LRRC39: variants seen among roughly 807,000 people sequenced by gnomAD.
The protein encoded by LRRC39 is leucine rich repeat containing 39.
In LRRC39, 35 loss-of-function variants were observed where a neutral mutation model predicts 39.7. The observed-to-expected ratio is 0.88, with a 90% CI of 0.67 to 1.17. LRRC39 has a LOEUF of 1.17. Ranked by LOEUF, LRRC39 falls within the 50% of genes most tolerant of loss-of-function variation. The pLI, the probability that LRRC39 is intolerant of heterozygous loss-of-function variation, is 0.00. For missense variants in LRRC39, 357 were observed against 385.8 expected, an observed-to-expected ratio of 0.93 and a Z score of 0.62; for synonymous variants, 113 against 134.1, an observed-to-expected ratio of 0.84 and a Z score of 1.09.
chr1:100,159,630 C>A (rs1290348110), intron 4 of LRRC39, among the ~76,000 whole-genome samples: 1 of 77,214 alleles, frequency 1.3e-5, no homozygotes, highest in Non-Finnish European at 2.4e-5. Context: ...TTTTTTTTGG[C>A]TAAACCTTCA....
chr1:100,160,597 T>C, intron 3 of LRRC39, 26 bp from the exon 4 acceptor site: 3 of 1,561,856 alleles, frequency 1.9e-6, no homozygotes, highest in Non-Finnish European at 2.6e-6. Flanking sequence ...ATCATTTTAG[T>C]TCATAGACAA....
intron 3 of LRRC39, among the ~76,000 whole-genome samples, chr1:100,166,812 C>G (rs142304597): frequency 2.0e-5 from 3 of 152,146 alleles, no homozygotes; most frequent in African/African-American, 7.2e-5. Context: ...ATCACCAAGA[C>G]AATGGTTTTA....
chr1:100,161,890 G>A (rs114862985), intron 3 of LRRC39, among the ~76,000 whole-genome samples: 1,608 of 152,156 alleles, frequency 0.011, 30 homozygotes, highest in African/African-American at 0.037. Flanking sequence ...CAAGCAACCC[G>A]CCTGCCTTGG....
chr1:100,153,586 C>G (rs999803755), intron 8 of LRRC39, among the ~76,000 whole-genome samples: 1 of 151,914 alleles, frequency 6.6e-6, no homozygotes, highest in Non-Finnish European at 1.5e-5. Context: ...ACAAAGAACT[C>G]AACAAGAAAA....
At chr1:100,173,072 A>T (rs1326144802) in intron 2 of LRRC39, among the ~76,000 whole-genome samples, 1 of 150,760 alleles carries the variant, frequency 6.6e-6, no homozygotes, top group Non-Finnish European at 1.5e-5. Context: ...AAAATAAATA[A>T]AAATAAAAAA....
intron 3 of LRRC39, among the ~76,000 whole-genome samples, chr1:100,164,060 G>C (rs545722532): frequency 2.1e-4 from 32 of 152,190 alleles, no homozygotes; most frequent in African/African-American, 7.7e-4. Context: ...GTGACAGAGT[G>C]AGACTCTGTC....
In LRRC39 at chr1:100,169,262, A is replaced by T. The variant is rs575271738; in HGVS notation, c.-78-668T>A. 2.6e-5 allele frequency among the ~76,000 whole-genome samples: 4 copies of T among 152,252 alleles called. No individual in the cohort carries two copies. In the South Asian group the frequency reaches 6.2e-4, roughly 24 times the overall value. ...ATTTGAATTATTTCCTTTCAAATTCAGGAATGCAAAGACATTCACAATCAC... is the reference window on the plus strand; with the variant it reads ...ATTTGAATTATTTCCTTTCAAATTCTGGAATGCAAAGACATTCACAATCAC... On this transcript the variant is annotated intron_variant, in intron 2 of 9. Transcript: ENST00000370137.
At chr1:100,177,263 G>A (rs1263205598) in intron 1 of LRRC39, among the ~76,000 whole-genome samples, 1 of 152,122 alleles carries the variant, frequency 6.6e-6, no homozygotes, top group Non-Finnish European at 1.5e-5. Context: ...TAGGGAGCAG[G>A]ACTGGTGATA....
chr1:100,160,422 CA>C (rs771533442), intron 4 of LRRC39, 43 bp downstream of exon 4: 2 of 1,534,038 alleles, frequency 1.3e-6, no homozygotes, highest in African/African-American at 2.7e-5. Flanking sequence ...AACTGACTCA[CA>C]AAATGCAAAA....
intron 3 of LRRC39, among the ~76,000 whole-genome samples, chr1:100,161,178 C>A (rs1658849614): frequency 6.6e-6 from 1 of 152,074 alleles, no homozygotes; most frequent in Admixed American, 6.6e-5. Flanking sequence ...CAGATTTGTG[C>A]AACTATCATC....
chr1:100,167,778 A>T (rs1201244852), intron 3 of LRRC39, among the ~76,000 whole-genome samples: 1 of 137,398 alleles, frequency 7.3e-6, no homozygotes, highest in African/African-American at 2.7e-5. Context: ...TCCATTTCAA[A>T]AATAATAATA....
intron 5 of LRRC39, 80 bp downstream of exon 5, chr1:100,159,179 C>T: frequency 7.6e-7 from 1 of 1,312,386 alleles, no homozygotes; most frequent in Non-Finnish European, 1.0e-6. Flanking sequence ...GTCTTTATTC[C>T]ATGTATCCAA....
In LRRC39 at chr1:100,152,588, G is replaced by A. The variant is rs751749063; in HGVS notation, c.813-64C>T. The A allele has an allele frequency of 4.5e-6, 7 of 1,538,608 alleles. No homozygotes were observed. The South Asian group carries it at 4.9e-5, about 11-fold the overall frequency. On this transcript the variant is annotated intron_variant, in intron 8 of 9. Coordinates refer to ENST00000370137, the MANE Select transcript of LRRC39 (RefSeq NM_144620.4). ...ATGGAAGTGTACATTTATTTCCCTG[G>A]AGAAAGGTCAAATGATAATATACTA...
chr1:100,172,706 G>A (rs1245762455), intron 2 of LRRC39, among the ~76,000 whole-genome samples: 2 of 146,024 alleles, frequency 1.4e-5, no homozygotes, highest in Non-Finnish European at 3.0e-5. Context: ...CATACCTGTA[G>A]TCCCAGCACT....
At chr1:100,165,755 T>A (rs1659191032) in intron 3 of LRRC39, among the ~76,000 whole-genome samples, 1 of 152,122 alleles carries the variant, frequency 6.6e-6, no homozygotes, top group Admixed American at 6.6e-5. Flanking sequence ...CTTCCATAAT[T>A]CCCACGTGTT....
At chr1:100,152,245 G>A in intron 9 of LRRC39, 140 bp downstream of exon 9, 1 of 874,736 alleles carries the variant, frequency 1.1e-6, no homozygotes, top group Non-Finnish European at 1.7e-6. Flanking sequence ...CCACAATATT[G>A]ACTAAGAGAA....
chr1:100,161,803 C>T (rs148880013), intron 3 of LRRC39, among the ~76,000 whole-genome samples: 2,512 of 152,216 alleles, frequency 0.017, 54 homozygotes, highest in African/African-American at 0.054. Flanking sequence ...TGCTCCACCA[C>T]GCCCAGCTAA....
rs1245961244 is a variant in LRRC39 at position 100,168,298 on chromosome 1, A to C, written c.113+106T>G. On this transcript the variant is annotated intron_variant, in intron 3 of 9. Transcript: ENST00000370137. Reference sequence around the variant, plus strand: ...GTATATTTTGAGTTTTCAGTAAATAAAATTCTATATCAAATTCAATAACAA... The same window carrying C: ...GTATATTTTGAGTTTTCAGTAAATACAATTCTATATCAAATTCAATAACAA... 3.5e-6 allele frequency: 3 copies of C among 861,646 alleles called. No homozygotes were observed. The African/African-American group carries it at 5.2e-5, about 15-fold the overall frequency. The allele number at this position is 861,646 out of a possible 1,614,324, so 53.4% of individuals were successfully genotyped here. A position where few individuals can be genotyped will look rare whatever the true frequency, so the allele number is the denominator to read the frequency against.
At chr1:100,168,290 A>C in intron 3 of LRRC39, 114 bp downstream of exon 3, 2 of 806,768 alleles carry the variant, frequency 2.5e-6, no homozygotes, top group Non-Finnish European at 3.8e-6. Flanking sequence ...TTGAGTTTTC[A>C]GTAAATAAAA....
Sources: gnomAD v4.1 joint callset for allele counts (sites outside exome capture counted in the v4.1 genomes callset) on GRCh38, gnomAD v4.1.1 for gene constraint, MANE v1.5 for transcripts, NCBI Gene and HGNC (gene_info 2026-07-23, HGNC 2026-07-21) for gene names.